The following CCDC88B variants were observed in gnomAD, a reference collection of about 807,000 sequenced individuals.
CCDC88B encodes coiled-coil and HOOK domain protein 88B, also known as coiled-coil domain-containing protein 88B.
CCDC88B carries 138 observed loss-of-function variants against 183.7 expected under a neutral mutation model. The observed-to-expected ratio is 0.75, with a 90% CI of 0.65 to 0.87. The LOEUF is 0.87. CCDC88B is among the 40% of genes least tolerant of loss of function. The pLI, the probability that CCDC88B is intolerant of heterozygous loss-of-function variation, is 0.00. For synonymous variants in CCDC88B, 835 were observed against 867.5 expected (o/e 0.96, Z 0.66); for missense variants, 1,822 against 1,965.6 (o/e 0.93, Z 1.38).
intron 8 of CCDC88B, 32 bp from the exon 9 acceptor site, chr11:64,342,262 C>T (rs2035897687): frequency 6.4e-7 from 1 of 1,572,784 alleles, no homozygotes; most frequent in Admixed American, 1.9e-5. Flanking sequence ...TTGTGGGCCC[C>T]CAGACCCTCC....
At position 64,354,573 on chromosome 11, in the gene CCDC88B, G is replaced by A. The variant is rs57480353; in HGVS notation, c.4099+403G>A. On this transcript the variant is annotated intron_variant, in intron 24 of 26. Transcript: ENST00000356786. The stretch of plus-strand genomic sequence containing the variant: ...CAGTGTCCTGCTGCCCCACTCATTT[G>A]CCTGGCTTCTCCCCCACCTCTGCAC... Among the ~76,000 whole-genome samples, 447 of 151,832 alleles carry A rather than the reference G, an allele frequency of 2.9e-3. 3 individuals are homozygous for A. The highest frequency in any genetic ancestry group is 0.01 in the African/African-American group (415 of 41,380).
intron 7 of CCDC88B, 53 bp from the exon 8 acceptor site, chr11:64,341,941 A>C: frequency 6.4e-7 from 1 of 1,563,720 alleles, no homozygotes; most frequent in East Asian, 2.4e-5. Flanking sequence ...TTGGGGGTCG[A>C]TGTGCAGAGG....
chr11:64,343,645 G>A (rs1419374608), intron 12 of CCDC88B, 30 bp downstream of exon 12: 1 of 1,548,478 alleles, frequency 6.5e-7, no homozygotes, highest in African/African-American at 1.4e-5. Flanking sequence ...GGGCTGGGGT[G>A]GGGGCTTCCT....
intron 16 of CCDC88B, chr11:64,350,535 T>C (rs2036288132): frequency 6.6e-6 from 1 of 151,996 alleles, no homozygotes; most frequent in South Asian, 2.1e-4. Context: ...AAAAATTAGC[T>C]GTTAGCTGGG....
intron 19 of CCDC88B, 115 bp from the exon 20 acceptor site, chr11:64,352,629 G>A: frequency 6.7e-7 from 1 of 1,489,526 alleles, no homozygotes. Flanking sequence ...GCTTCCTCTG[G>A]GGGACCTAGG....
chr11:64,343,513 G>A lies in CCDC88B; in HGVS notation c.1216G>A (p.Asp406Asn). 1 of 1,551,744 alleles carries A rather than the reference G, an allele frequency of 6.4e-7. No individual in the cohort carries two copies. Among genetic ancestry groups the A allele is most frequent in the Non-Finnish European group, 8.7e-7 (1 of 1,146,988 alleles). ...TRLGEAHAEL[D>N]SLRHQVDQLA... ...ACCCTTCCCTCACCCCCAGGAGCTG[G>A]ACTCTCTGCGGCATCAGGTGGACCA... The change falls in exon 12 of 27, where the codon GAC (aspartate) becomes AAC (asparagine). Residue 406 changes from aspartate to asparagine, a missense_variant. Asp to Asn is a conservative substitution (Grantham distance 23). Transcript: ENST00000356786.
At chr11:64,346,906 T>G (rs1179680123) in intron 14 of CCDC88B, among the ~76,000 whole-genome samples, 2 of 152,090 alleles carry the variant, frequency 1.3e-5, no homozygotes, top group Non-Finnish European at 2.9e-5. Context: ...GCGATTTTCC[T>G]GCCTCAGCCT....
rs1359027666 is a variant in CCDC88B, at chr11:64,355,565, G to A, written c.4312G>A (p.Gly1438Ser). Reference protein sequence around the residue: ...GAPVSHSKGPGVGWENSAETL... With the variant: ...GAPVSHSKGPSVGWENSAETL... ...GGTTGCCTTGTGCCTCCCAGGACCT[G>A]GTGTGGGATGGGAGAACTCCGCTGA... The change falls in exon 26 of 27, where the codon GGT becomes AGT. Residue 1438 changes from glycine to serine, a missense_variant. Transcript: ENST00000356786. 6.2e-7 allele frequency: 1 copy of A among 1,613,036 alleles called. No individual in the cohort carries two copies. The highest frequency in any genetic ancestry group is 1.7e-5 in the Admixed American group (1 of 59,886).
chr11:64,352,657 C>G (rs2036384367), intron 19 of CCDC88B, 87 bp from the exon 20 acceptor site: 2 of 1,568,448 alleles, frequency 1.3e-6, no homozygotes, highest in African/African-American at 2.7e-5. Flanking sequence ...GGTGACAGAC[C>G]CCCCCGCCCC....
Position 64,353,153 on chromosome 11 carries a change from G to A in CCDC88B, c.3600G>A (p.Arg1200=), listed in dbSNP as rs2036408795. Residue 1200 remains arginine (R), a synonymous_variant, in exon 21 of 27, where the codon CGG becomes CGA. Coordinates refer to ENST00000356786, the MANE Select transcript of CCDC88B (RefSeq NM_032251.6). ...GGCTGGCGCGGCTGGAGCTGGAGCG[G>A]GCACAGCTGGAGATGCAGAGCCAGC... The part of the protein sequence containing the change: ...RGRLARLELE[R]AQLEMQSQQL... 1 of 1,591,936 alleles carries A rather than the reference G, an allele frequency of 6.3e-7. No individual in the cohort carries two copies. The highest frequency in any genetic ancestry group is 2.3e-5 in the East Asian group (1 of 43,738).
rs1472592881 is a variant in CCDC88B at position 64,341,633 on chromosome 11, T to C, written c.566T>C (p.Leu189Pro). ...TQPGAGVVLA[L>P]SGPDPGELAP... ...CCGGGGGCCGGCGTGGTGCTGGCAC[T>C]GTCTGGGCCAGATCCTGGGGAGCTG... is the stretch of plus-strand genomic sequence containing the variant. Residue 189 changes from leucine to proline, a missense_variant, in exon 7 of 27, where the codon CTG becomes CCG. Physicochemically the swap from Leu to Pro is moderately conservative, Grantham distance 98. Transcript: ENST00000356786. 1 of 1,604,590 alleles carries C rather than the reference T, an allele frequency of 6.2e-7. No homozygotes were observed. The highest frequency in any genetic ancestry group is 8.5e-7 in the Non-Finnish European group (1 of 1,175,488).
intron 1 of CCDC88B, 33 bp downstream of exon 1, chr11:64,340,359 G>A: frequency 7.7e-7 from 1 of 1,299,000 alleles, no homozygotes; most frequent in Non-Finnish European, 9.9e-7. Flanking sequence ...GTTGGGGAGG[G>A]GAAGTGAGCC....
At position 64,344,322 on chromosome 11, in the gene CCDC88B, G is replaced by A. The variant is rs74511597; in HGVS notation, c.1781G>A (p.Arg594His). The change falls in exon 14 of 27, where the codon CGT becomes CAT. Residue 594 changes from arginine (R) to histidine (H), a missense_variant. By Grantham distance (29) the Arg-to-His change is conservative (BLOSUM62 0). Coordinates refer to ENST00000356786, the MANE Select transcript of CCDC88B (RefSeq NM_032251.6). The surrounding 1 kb of genome is among the most constrained non-coding windows in gnomAD (Gnocchi z 4.5). ...ETQESPEKAGRRSSLQSPASV... is the reference protein window; with the variant it reads ...ETQESPEKAGHRSSLQSPASV... ...CAGGAGTCCCCGGAGAAGGCTGGCC[G>A]TAGATCCTCTCTCCAGAGCCCTGCC... 15,682 of 1,613,174 alleles carry A rather than the reference G, an allele frequency of 9.7e-3. 169 individuals carry two copies. The highest frequency in any genetic ancestry group is 0.037 in the South Asian group (3,359 of 91,012).
chr11:64,349,005 G>A (rs1234874103), intron 14 of CCDC88B: 1 of 717,358 alleles, frequency 1.4e-6, no homozygotes, highest in Non-Finnish European at 2.6e-6. Context: ...AGCCCACCGG[G>A]CGCATCCACC....
chr11:64,343,643 G>T, intron 12 of CCDC88B, 28 bp downstream of exon 12: 1 of 1,549,454 alleles, frequency 6.5e-7, no homozygotes, highest in Non-Finnish European at 8.7e-7. Context: ...AAGGGCTGGG[G>T]TGGGGGCTTC....
At chr11:64,351,440 G>A (rs375271628) in intron 17 of CCDC88B, 36 bp from the exon 18 acceptor site, 29 of 1,565,020 alleles carry the variant, frequency 1.9e-5, no homozygotes, top group African/African-American at 1.1e-4. Flanking sequence ...GGGTGCCCCC[G>A]CCACCTGGCT....
Position 64,353,415 on chromosome 11 carries a change from C to T in CCDC88B, c.3752C>T (p.Ala1251Val), listed in dbSNP as rs1480762696. 1.9e-6 allele frequency: 3 copies of T among 1,613,282 alleles called. No individual in the cohort carries two copies. The highest frequency in any genetic ancestry group is 2.5e-6 in the Non-Finnish European group (3 of 1,179,980). The part of the protein sequence containing the change: ...ENRQLLAEVQ[A>V]LSRENRELLE... ...CGGCAGCTGCTGGCTGAAGTTCAGGCCCTGAGCCGGGAGAACAGGGAGCTC... is the reference window on the plus strand; with the variant it reads ...CGGCAGCTGCTGGCTGAAGTTCAGGTCCTGAGCCGGGAGAACAGGGAGCTC... Residue 1251 changes from alanine (A) to valine (V), a missense_variant, in exon 22 of 27, where the codon GCC becomes GTC. Coordinates refer to ENST00000356786, the MANE Select transcript of CCDC88B (RefSeq NM_032251.6).
In CCDC88B at chr11:64,342,059, T is replaced by C. The variant is rs200595748; in HGVS notation, c.741T>C (p.Ala247=). The C allele has an allele frequency of 6.2e-7, 1 of 1,610,442 alleles. No individual in the cohort carries two copies. Among genetic ancestry groups the C allele is most frequent in the Non-Finnish European group, 8.5e-7 (1 of 1,179,058 alleles). ...TGAGGCCTGAGGCTCCCTCTAGGGC[T>C]CCCGCCGAGGGCCCCTCGCACCATC... ...LCLRPEAPSR[A]PAEGPSHHLA... Residue 247 remains alanine, a synonymous_variant, in exon 8 of 27, where the codon GCT becomes GCC. Coordinates refer to ENST00000356786, the MANE Select transcript of CCDC88B (RefSeq NM_032251.6).
At position 64,349,447 on chromosome 11, in the gene CCDC88B, C is replaced by T; in HGVS notation, c.2733C>T (p.Ser911=). Residue 911 remains serine, a synonymous_variant, in exon 15 of 27, where the codon AGC becomes AGT. Transcript: ENST00000356786. ...AGGAATTTCTGCGAGAAAAGGAAAG[C>T]CAGCACCAGAGGTGGGGACAGGGCT... ...ERQEFLREKE[S]QHQRYQGLEQ... is the part of the protein sequence containing the mutation. 1.9e-6 allele frequency: 3 copies of T among 1,612,604 alleles called. No homozygotes were observed. In the South Asian group the frequency reaches 3.3e-5, roughly 18 times the overall value.
Sources: gnomAD v4.1 joint callset for allele counts (sites outside exome capture counted in the v4.1 genomes callset) on GRCh38, gnomAD v4.1.1 for gene constraint, Gnocchi (gnomAD v3.1) non-coding constraint, MANE v1.5 for transcripts, NCBI Gene and HGNC (gene_info 2026-07-23, HGNC 2026-07-21) for gene names.